ZSWIM6: variants seen among roughly 807,000 people sequenced by gnomAD.
The protein encoded by ZSWIM6 is zinc finger SWIM-type containing 6.
A neutral mutation model predicts 113.2 loss-of-function variants in ZSWIM6; 9 were observed. The ratio of observed to expected loss-of-function variants is 0.08; its 90% confidence interval spans 0.05 to 0.14. ZSWIM6 has a LOEUF of 0.14. ZSWIM6 is among the 10% of genes least tolerant of loss of function. The pLI is 1.00. For synonymous variants in ZSWIM6, 611 were observed against 606.5 expected (o/e 1.01, Z -0.11); for missense variants, 1,162 against 1,552.2 (o/e 0.75, Z 4.22).
intron 3 of ZSWIM6, among the ~76,000 whole-genome samples, chr5:61,491,814 T>G (rs77122795): frequency 8.6e-5 from 5 of 58,466 alleles, no homozygotes; most frequent in Non-Finnish European, 1.5e-4. Context: ...TAATTAAAAG[T>G]TTTTTTTTTA....
At chr5:61,458,454 G>A (rs778024798) in intron 1 of ZSWIM6, among the ~76,000 whole-genome samples, 3 of 152,170 alleles carry the variant, frequency 2.0e-5, no homozygotes, top group South Asian at 2.1e-4. Context: ...ACATAATTTT[G>A]TGCATATTTG....
intron 1 of ZSWIM6, among the ~76,000 whole-genome samples, chr5:61,379,185 G>GAAAAAA (rs1211778480): frequency 5.2e-5 from 2 of 38,562 alleles, no homozygotes; most frequent in African/African-American, 1.0e-4. Flanking sequence ...TCCTGTCTCT[G>GAAAAAA]AAAAAAAAAA....
chr5:61,388,064 C>G (rs1745626871), intron 1 of ZSWIM6, among the ~76,000 whole-genome samples: 3 of 149,930 alleles, frequency 2.0e-5, no homozygotes, highest in African/African-American at 7.4e-5. Flanking sequence ...CTCACTGCAA[C>G]CTCCGCCTCT....
intron 1 of ZSWIM6, among the ~76,000 whole-genome samples, chr5:61,421,959 A>G (rs1297727580): frequency 6.6e-6 from 1 of 152,136 alleles, no homozygotes; most frequent in Non-Finnish European, 1.5e-5. Context: ...TCTGGTTATT[A>G]ATCCCTTGTC....
rs146542390 is a variant in ZSWIM6 at position 61,347,402 on chromosome 5, G to C, written c.676+14454G>C. The C allele has an allele frequency of 4.0e-3, 671 of 165,728 alleles. 5 individuals carry two copies. Among genetic ancestry groups the C allele is most frequent in the Non-Finnish European group, 5.3e-3 (385 of 72,064 alleles). 10.3% of individuals were successfully genotyped at this position (165,728 alleles called of 1,614,324 possible). A position where few individuals can be genotyped will look rare whatever the true frequency, so the allele number is the denominator to read the frequency against. ...TAAGTGGAGAGCTGACCATGGAGCA[G>C]TGAGTTTCCATCATTTGGAAGTTTC... is the stretch of plus-strand genomic sequence containing the variant. On this transcript the variant is annotated intron_variant, in intron 1 of 13. Coordinates refer to ENST00000252744, the MANE Select transcript of ZSWIM6 (RefSeq NM_020928.2).
chr5:61,449,135 A>T (rs1474448679), intron 1 of ZSWIM6, among the ~76,000 whole-genome samples: 1 of 152,194 alleles, frequency 6.6e-6, no homozygotes, highest in African/African-American at 2.4e-5. Context: ...ATGATAGAAT[A>T]GAGCAGTAAT....
At chr5:61,426,432 G>A (rs376616096) in intron 1 of ZSWIM6, among the ~76,000 whole-genome samples, 4 of 151,960 alleles carry the variant, frequency 2.6e-5, no homozygotes, top group South Asian at 4.1e-4. Flanking sequence ...ACATACATAC[G>A]CACTTATATA....
chr5:61,340,251 T>C (rs1307552873), intron 1 of ZSWIM6, among the ~76,000 whole-genome samples: 2 of 152,232 alleles, frequency 1.3e-5, no homozygotes, highest in African/African-American at 4.8e-5. Flanking sequence ...GACTTTCAGC[T>C]GATAGTAAAC....
chr5:61,351,459 C>G (rs983148611), intron 1 of ZSWIM6, among the ~76,000 whole-genome samples: 3 of 152,162 alleles, frequency 2.0e-5, no homozygotes, highest in Admixed American at 6.5e-5. Context: ...GCACTAAGAT[C>G]TACATTCCCT....
chr5:61,337,074 G>A lies in ZSWIM6; in HGVS notation c.676+4126G>A, dbSNP rs985686444. ...AGTGGGTGGATCACCTGAGGTCAGG[G>A]GTTAGAGACCAGCCTGGCCAACAGG... On this transcript the variant is annotated intron_variant, in intron 1 of 13. Coordinates refer to ENST00000252744, the MANE Select transcript of ZSWIM6 (RefSeq NM_020928.2). 2.6e-5 allele frequency among the ~76,000 whole-genome samples: 4 copies of A among 151,942 alleles called. No individual in the cohort carries two copies. The South Asian group carries it at 8.3e-4, about 32-fold the overall frequency.
At chr5:61,403,296 AC>A (rs1745976062) in intron 1 of ZSWIM6, among the ~76,000 whole-genome samples, 1 of 152,208 alleles carries the variant, frequency 6.6e-6, no homozygotes, top group African/African-American at 2.4e-5. Flanking sequence ...GTTCTTTATT[AC>A]CAAAATTATA....
At chr5:61,461,935 GA>G (rs1424687330) in intron 1 of ZSWIM6, among the ~76,000 whole-genome samples, 2 of 152,188 alleles carry the variant, frequency 1.3e-5, no homozygotes, top group East Asian at 3.9e-4. Flanking sequence ...ATGTATTTAA[GA>G]AAAAATGTGC....
intron 1 of ZSWIM6, among the ~76,000 whole-genome samples, chr5:61,442,993 G>A (rs968826386): frequency 2.6e-5 from 4 of 152,162 alleles, no homozygotes; most frequent in African/African-American, 9.7e-5. Flanking sequence ...CATGCAATCA[G>A]CTCCTACTCT....
intron 1 of ZSWIM6, chr5:61,390,542 G>A: frequency 2.1e-6 from 1 of 480,782 alleles, no homozygotes; most frequent in Non-Finnish European, 3.8e-6. Context: ...TTGCTCTGGA[G>A]AGCCTACAAA....
intron 1 of ZSWIM6, among the ~76,000 whole-genome samples, chr5:61,464,874 A>T (rs1422195201): frequency 6.6e-6 from 1 of 152,214 alleles, no homozygotes; most frequent in Non-Finnish European, 1.5e-5. Context: ...GAGGCAAGAT[A>T]AAGTACGCAG....
At chr5:61,517,576 C>T (rs1301066963) in intron 4 of ZSWIM6, among the ~76,000 whole-genome samples, 1 of 151,938 alleles carries the variant, frequency 6.6e-6, no homozygotes, top group East Asian at 1.9e-4. Context: ...TGGTATAGAG[C>T]TTCTGAGTGA....
At chr5:61,414,679 A>G (rs1482267518) in intron 1 of ZSWIM6, among the ~76,000 whole-genome samples, 1 of 152,224 alleles carries the variant, frequency 6.6e-6, no homozygotes, top group Non-Finnish European at 1.5e-5. Flanking sequence ...CCCAACAAAC[A>G]TATCCCCAAA....
intron 1 of ZSWIM6, among the ~76,000 whole-genome samples, chr5:61,457,210 A>G (rs1301267739): frequency 6.6e-6 from 1 of 152,180 alleles, no homozygotes; most frequent in Non-Finnish European, 1.5e-5. Context: ...AAAAGAAGCA[A>G]ATTCATTTTA....
At chr5:61,392,325 A>C (rs1745736715) in intron 1 of ZSWIM6, among the ~76,000 whole-genome samples, 1 of 152,142 alleles carries the variant, frequency 6.6e-6, no homozygotes, top group African/African-American at 2.4e-5. Context: ...TTATCCTGTA[A>C]AGTGGTGTTT....
Sources: allele counts gnomAD v4.1 joint callset (sites outside exome capture counted in the v4.1 genomes callset), GRCh38; gene constraint gnomAD v4.1.1; transcripts MANE v1.5; gene names NCBI Gene and HGNC (gene_info 2026-07-23, HGNC 2026-07-21).